The following SLC4A2 variants were observed in gnomAD, a reference collection of about 807,000 sequenced individuals.
SLC4A2 encodes solute carrier family 4 member 2, also known as anion exchange protein 2.
In SLC4A2, 36 loss-of-function variants were observed where a neutral mutation model predicts 115.0. The ratio of observed to expected loss-of-function variants is 0.31; its 90% CI spans 0.24 to 0.41. The LOEUF is 0.41. Ranked by LOEUF, SLC4A2 falls within the 10% of genes least tolerant of loss-of-function variation. The probability of loss-of-function intolerance (pLI) is 1.00; values close to 1 mark genes in which losing one functional copy is unlikely to be tolerated. For synonymous variants in SLC4A2, 708 were observed against 708.3 expected (o/e 1.00, Z 0.01); for missense variants, 1,252 against 1,705.6 (o/e 0.73, Z 4.68).
chr7:151,069,875 G>T, intron 8 of SLC4A2, 72 bp from the exon 9 acceptor site: 1 of 1,591,838 alleles, frequency 6.3e-7, no homozygotes. Context: ...CCCAGCTCCT[G>T]CTCCCCATCC....
In SLC4A2 at chr7:151,075,386, G is replaced by A. The variant is rs573299923; in HGVS notation, c.3179G>A (p.Arg1060His). 1.9e-6 allele frequency: 3 copies of A among 1,611,244 alleles called. No homozygotes were observed. Among genetic ancestry groups the A allele is most frequent in the South Asian group, 2.2e-5 (2 of 91,088 alleles). The change falls in exon 20 of 23, where the codon CGC becomes CAC. Residue 1060 changes from arginine (R) to histidine (H), a missense_variant. Physicochemically the swap from Arg to His is conservative, Grantham distance 29 (BLOSUM62 0). Around this residue, in one of 14 missense-constraint regions of SLC4A2, gnomAD observed 253 missense variants for 407.4 expected, o/e 0.62. Transcript: ENST00000413384. Reference sequence around the variant, plus strand: ...CCCTGGTTGGCTGCTGCCACTGTCCGCTCTGTCACTCACGCCAACGCGCTC... The same window carrying A: ...CCCTGGTTGGCTGCTGCCACTGTCCACTCTGTCACTCACGCCAACGCGCTC... The part of the protein sequence containing the change: ...GLPWLAAATV[R>H]SVTHANALTV...
chr7:151,061,787 C>T (rs976721517), intron 1 of SLC4A2, 138 bp from the exon 2 acceptor site: 3 of 590,038 alleles, frequency 5.1e-6, no homozygotes, highest in East Asian at 2.8e-5. Context: ...AAATAACTCT[C>T]CTCTGTGCTG....
Position 151,066,585 on chromosome 7 carries a change from G to T in SLC4A2, c.647G>T (p.Gly216Val). ...VASGTAGGDD[G>V]GASGRPLPKA... is the part of the protein sequence containing the mutation. The stretch of plus-strand genomic sequence containing the variant: ...AGTGGCACTGCAGGGGGTGACGACG[G>T]GGGTGCCTCGGGGCGCCCCCTGCCC... The change falls in exon 6 of 23, where the codon GGG becomes GTG. Residue 216 changes from glycine to valine, a missense_variant. Coordinates refer to ENST00000413384, the MANE Select transcript of SLC4A2 (RefSeq NM_003040.4). The T allele has an allele frequency of 6.5e-7, 1 of 1,547,632 alleles. No individual in the cohort carries two copies.
chr7:151,070,259 C>T lies in SLC4A2; in HGVS notation c.1362C>T (p.His454=), dbSNP rs770312872. ...AGSLGSLLGH[H]HGQGAESDPH... ...CCCTGGGCTCCCTGCTGGGGCATCA[C>T]CATGGTCAGGGGGCTGAGAGTGACC... Residue 454 remains histidine, a synonymous_variant, in exon 10 of 23, where the codon CAC becomes CAT. Coordinates refer to ENST00000413384, the MANE Select transcript of SLC4A2 (RefSeq NM_003040.4). The T allele has an allele frequency of 2.5e-6, 4 of 1,614,052 alleles. No homozygotes were observed. The highest frequency in any genetic ancestry group is 1.1e-5 in the South Asian group (1 of 91,090).
chr7:151,066,127 T>TGCTGACTGTCAGGAAGCA (rs1480972121), intron 5 of SLC4A2, among the ~76,000 whole-genome samples: 1 of 152,166 alleles, frequency 6.6e-6, no homozygotes, highest in Non-Finnish European at 1.5e-5. Context: ...GGGGGATGAA[T>TGCTGACTGTCAGGAAGCA]GCTGACTGTC....
In SLC4A2 at chr7:151,075,728, C is replaced by G. The variant is rs1797605829; in HGVS notation, c.3424C>G (p.Leu1142Val). Residue 1142 changes from leucine (L) to valine (V), a missense_variant, in exon 21 of 23, where the codon CTG becomes GTG. Transcript: ENST00000413384. ...CCAGTTCTATGAGCGGCTGCATCTG[C>G]TGCTCATGCCGCCCAAACACCACCC... ...GIQFYERLHL[L>V]LMPPKHHPDV... 1 of 1,610,716 alleles carries G rather than the reference C, an allele frequency of 6.2e-7. No individual in the cohort carries two copies. The highest frequency in any genetic ancestry group is 1.3e-5 in the African/African-American group (1 of 74,890).
chr7:151,064,443 A>C lies in SLC4A2; in HGVS notation c.217+76A>C, dbSNP rs569579307. The stretch of plus-strand genomic sequence containing the variant: ...CCAGCAAAGAAGGGACTGGGGTCCT[A>C]GTGGGAGGAGTGGGGCTAGGGGGCA... On this transcript the variant is annotated intron_variant, in intron 3 of 22. Coordinates refer to ENST00000413384, the MANE Select transcript of SLC4A2 (RefSeq NM_003040.4). 1.2e-4 allele frequency: 180 copies of C among 1,494,932 alleles called. 3 individuals are homozygous for C. The South Asian group carries it at 2.0e-3, about 16-fold the overall frequency. 92.6% of individuals were successfully genotyped at this position (1,494,932 alleles called of 1,614,324 possible).
intron 1 of SLC4A2, among the ~76,000 whole-genome samples, chr7:151,061,046 G>T (rs1448501444): frequency 6.6e-6 from 1 of 151,704 alleles, no homozygotes; most frequent in Non-Finnish European, 1.5e-5. Flanking sequence ...CCACCACACA[G>T]TGTCCTCCCC....
At position 151,074,682 on chromosome 7, in the gene SLC4A2, G is replaced by A. The variant is rs1282240421; in HGVS notation, c.2888G>A (p.Ser963Asn). 1 of 1,598,352 alleles carries A rather than the reference G, an allele frequency of 6.3e-7. No homozygotes were observed. Among genetic ancestry groups the A allele is most frequent in the Admixed American group, 1.8e-5 (1 of 56,380 alleles). ...SIEDTYTQKL[S>N]VPSGFSVTAP... Reference sequence around the variant, plus strand: ...ACTGTGTCTGCCCTGCAGAAGCTGAGCGTTCCCAGTGGATTCTCGGTGACT... The same window carrying A: ...ACTGTGTCTGCCCTGCAGAAGCTGAACGTTCCCAGTGGATTCTCGGTGACT... The change falls in exon 19 of 23, where the codon AGC becomes AAC. Residue 963 changes from serine (S) to asparagine (N), a missense_variant. Around this residue, in one of 14 missense-constraint regions of SLC4A2, gnomAD observed 253 missense variants for 407.4 expected, o/e 0.62. Transcript: ENST00000413384.
Position 151,075,288 on chromosome 7 carries a change from G to A in SLC4A2, c.3081G>A (p.Gln1027=). 1 of 1,613,432 alleles carries A rather than the reference G, an allele frequency of 6.2e-7. No homozygotes were observed. Among genetic ancestry groups the A allele is most frequent in the Non-Finnish European group, 8.5e-7 (1 of 1,180,034 alleles). Residue 1027 remains glutamine (Q), a synonymous_variant, in exon 20 of 23, where the codon CAG becomes CAA. Coordinates refer to ENST00000413384, the MANE Select transcript of SLC4A2 (RefSeq NM_003040.4). ...LIISKKERML[Q]KGSGFHLDLL... ...TCTCCAAGAAGGAGCGCATGCTGCA[G>A]AAGGGCTCCGGCTTCCACCTGGACC... is the stretch of plus-strand genomic sequence containing the variant.
At chr7:151,067,015 T>C in intron 7 of SLC4A2, 22 bp downstream of exon 7, 1 of 1,561,480 alleles carries the variant, frequency 6.4e-7, no homozygotes, top group East Asian at 2.3e-5. Flanking sequence ...TGCTTCATGC[T>C]CTTCCATCAA....
intron 16 of SLC4A2, among the ~76,000 whole-genome samples, chr7:151,073,722 A>C (rs1444395813): frequency 6.6e-6 from 1 of 152,188 alleles, no homozygotes; most frequent in African/African-American, 2.4e-5. Flanking sequence ...TCTGGGCATC[A>C]GATGTGTGTG....
upstream of SLC4A2, chr7:151,058,980 G>A (rs1338354824): frequency 6.6e-6 from 1 of 152,234 alleles, no homozygotes; most frequent in Non-Finnish European, 1.5e-5. Flanking sequence ...GAAGCAAAAA[G>A]TGTATTCCTT....
rs1330228289 is a variant in SLC4A2 at position 151,074,660 on chromosome 7, G to A, written c.2881-15G>A. On this transcript the variant is annotated splice_polypyrimidine_tract_variant and intron_variant, in intron 18 of 22. Coordinates refer to ENST00000413384, the MANE Select transcript of SLC4A2 (RefSeq NM_003040.4). Reference sequence around the variant, plus strand: ...TCACCTTAACCCTTGTCCCTACACTGTGTCTGCCCTGCAGAAGCTGAGCGT... The same window carrying A: ...TCACCTTAACCCTTGTCCCTACACTATGTCTGCCCTGCAGAAGCTGAGCGT... 3 of 1,590,614 alleles carry A rather than the reference G, an allele frequency of 1.9e-6. No individual in the cohort carries two copies. The highest frequency in any genetic ancestry group is 1.8e-5 in the Admixed American group (1 of 56,318).
At chr7:151,069,688 C>CCT (rs1288665966) in intron 8 of SLC4A2, among the ~76,000 whole-genome samples, 2 of 152,034 alleles carry the variant, frequency 1.3e-5, no homozygotes, top group South Asian at 2.1e-4. Context: ...GCCTAGATGG[C>CCT]CTCTCTGGTC....
Position 151,072,021 on chromosome 7 carries a change from T to C in SLC4A2, c.2420T>C (p.Met807Thr). ...GFWLVFLALL[M>T]VALEGSFLVR... ...TGGCTGGTGTTCCTGGCCCTGCTCATGGTGGCCCTGGAGGGGAGCTTCCTG... is the reference window on the plus strand; with the variant it reads ...TGGCTGGTGTTCCTGGCCCTGCTCACGGTGGCCCTGGAGGGGAGCTTCCTG... The change falls in exon 16 of 23, where the codon ATG (methionine) becomes ACG (threonine). Residue 807 changes from methionine (M) to threonine (T), a missense_variant. By Grantham distance (81) the Met-to-Thr change is moderately conservative. Around this residue, in one of 14 missense-constraint regions of SLC4A2, gnomAD observed 118 missense variants for 203.3 expected, o/e 0.58. Transcript: ENST00000413384. 2 of 1,614,080 alleles carry C rather than the reference T, an allele frequency of 1.2e-6. No individual in the cohort carries two copies. The highest frequency in any genetic ancestry group is 2.2e-5 in the South Asian group (2 of 91,076).
chr7:151,068,348 C>T (rs1797309030), intron 8 of SLC4A2, among the ~76,000 whole-genome samples: 1 of 152,154 alleles, frequency 6.6e-6, no homozygotes. Context: ...GGAATGTGAT[C>T]TAATCTGCAG....
intron 3 of SLC4A2, 28 bp from the exon 4 acceptor site, chr7:151,064,498 C>T (rs1171763156): frequency 1.3e-6 from 2 of 1,596,698 alleles, no homozygotes; most frequent in Non-Finnish European, 1.7e-6. Flanking sequence ...CTGTGCCTGC[C>T]ACAGCCAAGT....
chr7:151,075,759 T>A lies in SLC4A2; in HGVS notation c.3455T>A (p.Val1152Asp). ...ATGCCGCCCAAACACCACCCAGATGTCACTTACGTCAAGAAGGTGAGCCCC... is the reference window on the plus strand; with the variant it reads ...ATGCCGCCCAAACACCACCCAGATGACACTTACGTCAAGAAGGTGAGCCCC... ...LLMPPKHHPDVTYVKKVRTLR... is the reference protein window; with the variant it reads ...LLMPPKHHPDDTYVKKVRTLR... Residue 1152 changes from valine (V) to aspartate (D), a missense_variant, in exon 21 of 23, where the codon GTC (valine) becomes GAC (aspartate). Physicochemically the swap from Val to Asp is radical, Grantham distance 152. This residue lies in a region of SLC4A2 where 253 missense variants were observed against 407.4 expected (regional missense o/e 0.62). Coordinates refer to ENST00000413384, the MANE Select transcript of SLC4A2 (RefSeq NM_003040.4). The A allele has an allele frequency of 6.2e-7, 1 of 1,604,878 alleles. No individual in the cohort carries two copies. Among genetic ancestry groups the A allele is most frequent in the Non-Finnish European group, 8.5e-7 (1 of 1,172,784 alleles).
Sources: gnomAD v4.1 joint callset for allele counts (sites outside exome capture counted in the v4.1 genomes callset) on GRCh38, gnomAD v4.1.1 for gene constraint, gnomAD v4.1.1 regional missense constraint, MANE v1.5 for transcripts, NCBI Gene and HGNC (gene_info 2026-07-23, HGNC 2026-07-21) for gene names.